The following EXT1 variants were observed in gnomAD, a reference collection of about 807,000 sequenced individuals.
The protein encoded by EXT1 is exostosin glycosyltransferase 1.
EXT1 carries 20 observed loss-of-function variants against 82.5 expected under a neutral mutation model. The observed-to-expected ratio is 0.24, with a 90% CI of 0.17 to 0.35. The LOEUF (loss-of-function observed/expected upper bound fraction) is 0.35. Among genes scored for constraint, EXT1 ranks in the 10% least tolerant of loss-of-function variants. EXT1 has a pLI of 1.00. For synonymous variants in EXT1, 348 were observed against 350.8 expected, an observed-to-expected ratio of 0.99 and a Z score of 0.09; for missense variants, 757 against 936.5, an observed-to-expected ratio of 0.81 and a Z score of 2.50.
chr8:117,821,153 G>A (rs1435985214), intron 5 of EXT1, among the ~76,000 whole-genome samples: 2 of 152,196 alleles, frequency 1.3e-5, no homozygotes, highest in Non-Finnish European at 2.9e-5. Flanking sequence ...ATACTGATGG[G>A]ATAAAGGCTA....
chr8:118,099,166 G>A lies in EXT1; in HGVS notation c.962+10919C>T, dbSNP rs17477406. On this transcript the variant is annotated intron_variant, in intron 1 of 10. Transcript: ENST00000378204. ...AGAAGCTGTGCTTGGTGACAGGCAG[G>A]GCAGTAGGTGTTGGACTTGGAAGCA... 8.4e-3 allele frequency among the ~76,000 whole-genome samples: 1,282 copies of A among 152,312 alleles called. 20 individuals carry two copies. The highest frequency in any genetic ancestry group is 0.03 in the African/African-American group (1,232 of 41,564).
intron 1 of EXT1, among the ~76,000 whole-genome samples, chr8:118,079,040 T>C (rs1817262038): frequency 6.6e-6 from 1 of 152,212 alleles, no homozygotes; most frequent in Non-Finnish European, 1.5e-5. Context: ...TTATATGCTA[T>C]AAAAATGTTA....
chr8:118,050,812 A>G (rs997010065), intron 1 of EXT1, among the ~76,000 whole-genome samples: 1 of 152,226 alleles, frequency 6.6e-6, no homozygotes, highest in Admixed American at 6.5e-5. Context: ...CCATCCATAA[A>G]TAATATCTTG....
chr8:117,941,178 G>A (rs1031099947), intron 1 of EXT1, among the ~76,000 whole-genome samples: 2 of 152,224 alleles, frequency 1.3e-5, no homozygotes, highest in Non-Finnish European at 1.5e-5. Context: ...AGAGGCAAGT[G>A]GGGGAGCAGC....
chr8:117,884,546 T>C (rs1196397755), intron 1 of EXT1, among the ~76,000 whole-genome samples: 2 of 152,178 alleles, frequency 1.3e-5, no homozygotes, highest in Non-Finnish European at 2.9e-5. Flanking sequence ...GCACAGCAAA[T>C]GCACATCAAA....
chr8:117,979,220 G>C (rs890899825), intron 1 of EXT1, among the ~76,000 whole-genome samples: 4 of 152,002 alleles, frequency 2.6e-5, no homozygotes, highest in Admixed American at 2.6e-4. Flanking sequence ...GGGCACTGGG[G>C]GGGTGCACCT....
intron 1 of EXT1, among the ~76,000 whole-genome samples, chr8:117,903,545 T>C (rs531296597): frequency 6.6e-6 from 1 of 152,238 alleles, no homozygotes; most frequent in Non-Finnish European, 1.5e-5. Context: ...CATTTAAAGA[T>C]TTATCATGGA....
chr8:117,996,831 T>A (rs1246342004), intron 1 of EXT1, among the ~76,000 whole-genome samples: 1 of 152,190 alleles, frequency 6.6e-6, no homozygotes, highest in Non-Finnish European at 1.5e-5. Context: ...GAACACTCAA[T>A]CTCTGTCATT....
intron 1 of EXT1, among the ~76,000 whole-genome samples, chr8:117,873,423 G>A (rs563257518): frequency 6.8e-6 from 1 of 147,860 alleles, no homozygotes; most frequent in African/African-American, 2.5e-5. Context: ...AGCAAGTATG[G>A]TTAAGACCAA....
chr8:117,870,084 C>T (rs1214060140), intron 1 of EXT1, among the ~76,000 whole-genome samples: 2 of 152,002 alleles, frequency 1.3e-5, no homozygotes, highest in African/African-American at 4.8e-5. Flanking sequence ...AGTTTTAAGA[C>T]TTTGCTCCTT....
intron 1 of EXT1, among the ~76,000 whole-genome samples, chr8:117,846,720 C>T (rs192819824): frequency 2.7e-4 from 41 of 152,196 alleles, no homozygotes; most frequent in Non-Finnish European, 4.9e-4. Flanking sequence ...AGGCTCTAAG[C>T]CAATGGGACT....
intron 1 of EXT1, among the ~76,000 whole-genome samples, chr8:117,883,742 T>C (rs985565607): frequency 6.6e-6 from 1 of 152,236 alleles, no homozygotes; most frequent in African/African-American, 2.4e-5. Flanking sequence ...TAGGGAACTA[T>C]GCAAGCAGCT....
At chr8:117,902,172 G>A (rs1169872924) in intron 1 of EXT1, among the ~76,000 whole-genome samples, 1 of 151,812 alleles carries the variant, frequency 6.6e-6, no homozygotes, top group African/African-American at 2.4e-5. Flanking sequence ...TAACACGCAT[G>A]GAGCTGTCAT....
At chr8:117,893,678 C>A (rs1813286948) in intron 1 of EXT1, among the ~76,000 whole-genome samples, 1 of 152,174 alleles carries the variant, frequency 6.6e-6, no homozygotes, top group Non-Finnish European at 1.5e-5. Context: ...CCTGGACTAA[C>A]CACGCTTTGA....
intron 1 of EXT1, among the ~76,000 whole-genome samples, chr8:118,057,698 G>A (rs964704233): frequency 3.3e-5 from 5 of 151,908 alleles, no homozygotes; most frequent in Non-Finnish European, 7.4e-5. Context: ...GTGAGGCTGG[G>A]CGTGGTGGCT....
chr8:117,940,595 A>C (rs906860640), intron 1 of EXT1, among the ~76,000 whole-genome samples: 2 of 152,196 alleles, frequency 1.3e-5, no homozygotes, highest in African/African-American at 4.8e-5. Context: ...GAAACTCATT[A>C]GTCTAGCAGG....
chr8:117,903,521 A>G (rs6985552), intron 1 of EXT1, among the ~76,000 whole-genome samples: 38,870 of 152,178 alleles, frequency 0.26, 5,717 homozygotes, highest in East Asian at 0.36. Context: ...AACTCTTAAA[A>G]TAAAACACAC....
intron 1 of EXT1, among the ~76,000 whole-genome samples, chr8:117,890,843 G>A (rs376415863): frequency 3.9e-5 from 6 of 152,136 alleles, no homozygotes; most frequent in East Asian, 3.9e-4. Flanking sequence ...GATGTTTTTC[G>A]TTTCAGTGCA....
At position 117,886,208 on chromosome 8, in the gene EXT1, A is replaced by G. The variant is rs1813145131; in HGVS notation, c.963-49007T>C. 2.0e-5 allele frequency among the ~76,000 whole-genome samples: 3 copies of G among 152,230 alleles called. No homozygotes were observed. The South Asian group carries it at 6.2e-4, about 31-fold the overall frequency. On this transcript the variant is annotated intron_variant, in intron 1 of 10. Transcript: ENST00000378204. The stretch of plus-strand genomic sequence containing the variant: ...TACCTTGTAAATGAGCTGGCTTCAG[A>G]ATAAAGTTTTTGTTTGTTTGTTTTG...
Sources: gnomAD v4.1 joint callset for allele counts (sites outside exome capture counted in the v4.1 genomes callset) on GRCh38, gnomAD v4.1.1 for gene constraint, MANE v1.5 for transcripts, NCBI Gene and HGNC (gene_info 2026-07-23, HGNC 2026-07-21) for gene names.